Variants in RNF180 observed in about 807,000 individuals in gnomAD.
RNF180 encodes the protein E3 ubiquitin-protein ligase RNF180.
In RNF180, 38 loss-of-function variants were observed where a neutral mutation model predicts 59.2. That is an observed-to-expected ratio of 0.64 (90% CI 0.50 to 0.84). The LOEUF is 0.84. Ranked by LOEUF, RNF180 falls within the 40% of genes least tolerant of loss-of-function variation. RNF180 has a pLI of 0.00. For missense variants in RNF180, 705 were observed against 700.9 expected (o/e 1.01, Z -0.07); for synonymous variants, 262 against 240.3 (o/e 1.09, Z -0.84).
chr5:64,203,448 C>G (rs1215830445), intron 2 of RNF180, among the ~76,000 whole-genome samples: 1 of 152,038 alleles, frequency 6.6e-6, no homozygotes, highest in East Asian at 1.9e-4. Context: ...TTTCATTACC[C>G]CATAAAGTTT....
intron 1 of RNF180, among the ~76,000 whole-genome samples, chr5:64,187,449 C>A (rs1321790257): frequency 2.0e-5 from 3 of 152,096 alleles, no homozygotes; most frequent in African/African-American, 7.2e-5. Context: ...TATGCAGAAC[C>A]ATTTAAACTA....
At chr5:64,330,154 C>T in intron 6 of RNF180, 127 bp from the exon 7 acceptor site, 1 of 677,792 alleles carries the variant, frequency 1.5e-6, no homozygotes, top group Non-Finnish European at 2.5e-6. Flanking sequence ...CTATTTTTGT[C>T]TTCACTGACT....
At chr5:64,227,532 G>T (rs1253260427) in intron 5 of RNF180, among the ~76,000 whole-genome samples, 1 of 152,198 alleles carries the variant, frequency 6.6e-6, no homozygotes, top group Non-Finnish European at 1.5e-5. Flanking sequence ...TGACAGTGGG[G>T]CCTGGCCTCA....
At chr5:64,191,164 A>G (rs1206531715) in intron 1 of RNF180, among the ~76,000 whole-genome samples, 1 of 152,238 alleles carries the variant, frequency 6.6e-6, no homozygotes, top group Admixed American at 6.5e-5. Context: ...TATAGAAAAA[A>G]TGAGCAGAAA....
chr5:64,316,069 A>G (rs910121046), intron 5 of RNF180, among the ~76,000 whole-genome samples: 4 of 152,064 alleles, frequency 2.6e-5, no homozygotes, highest in African/African-American at 9.7e-5. Context: ...ACATCTCAGT[A>G]TATTATTTTG....
chr5:64,236,980 C>T (rs1452579290), intron 5 of RNF180, among the ~76,000 whole-genome samples: 1 of 152,166 alleles, frequency 6.6e-6, no homozygotes, highest in African/African-American at 2.4e-5. Flanking sequence ...AGGAACATAG[C>T]CCCCATGGAG....
At chr5:64,332,401 A>G (rs778490659) in intron 7 of RNF180, among the ~76,000 whole-genome samples, 1 of 152,324 alleles carries the variant, frequency 6.6e-6, no homozygotes, top group African/African-American at 2.4e-5. Context: ...CCTTGGTGTC[A>G]GGGTGTCTTA....
At chr5:64,325,883 T>C (rs1561262826) in intron 6 of RNF180, among the ~76,000 whole-genome samples, 1 of 152,282 alleles carries the variant, frequency 6.6e-6, no homozygotes, top group East Asian at 1.9e-4. Context: ...TCTTTCTCCT[T>C]GAACAGGAAA....
At chr5:64,234,508 A>ATACCATGACCT (rs1436338019) in intron 5 of RNF180, among the ~76,000 whole-genome samples, 5 of 150,544 alleles carry the variant, frequency 3.3e-5, no homozygotes, top group African/African-American at 1.2e-4. Flanking sequence ...ATCAGTGACA[A>ATACCATGACCT]TACCATGACC....
In RNF180 at chr5:64,214,179, A is replaced by G. The variant is rs1271978809; in HGVS notation, c.853A>G (p.Ser285Gly). ...TAGCTATTCCTTTCAGAATCCATCC[A>G]GTTTTGATCCTAGTATGCTGCTGCA... The part of the protein sequence containing the change: ...KNSYSFQNPS[S>G]FDPSMLLQRF... Residue 285 changes from serine (S) to glycine (G), a missense_variant, in exon 4 of 8, where the codon AGT becomes GGT. Transcript: ENST00000389100. 2 of 1,614,106 alleles carry G rather than the reference A, an allele frequency of 1.2e-6. No homozygotes were observed. The highest frequency in any genetic ancestry group is 1.7e-5 in the Admixed American group (1 of 59,986).
At chr5:64,289,704 G>T (rs1310726208) in intron 5 of RNF180, among the ~76,000 whole-genome samples, 2 of 152,050 alleles carry the variant, frequency 1.3e-5, no homozygotes, top group Non-Finnish European at 2.9e-5. Flanking sequence ...TTCTCTGTTG[G>T]TTGTTTGTAT....
Position 64,274,133 on chromosome 5 carries a change from G to T in RNF180, c.1228-51053G>T, listed in dbSNP as rs1490715890. Among the ~76,000 whole-genome samples, 7 of 151,996 alleles carry T rather than the reference G, an allele frequency of 4.6e-5. No individual in the cohort carries two copies. In the East Asian group the frequency reaches 1.2e-3, roughly 25 times the overall value. On this transcript the variant is annotated intron_variant, in intron 5 of 7. Transcript: ENST00000389100. Reference sequence around the variant, plus strand: ...GGATGTTTCAAGGAGTCTCTACCTTGTCTCTCTAAAATTAACTGAGAATCT... The same window carrying T: ...GGATGTTTCAAGGAGTCTCTACCTTTTCTCTCTAAAATTAACTGAGAATCT...
chr5:64,369,456 A>G (rs1277841010), intron 7 of RNF180, among the ~76,000 whole-genome samples, 159 bp from the exon 8 acceptor site: 2 of 123,444 alleles, frequency 1.6e-5, no homozygotes, highest in East Asian at 2.0e-4. Flanking sequence ...AACTTAAAGT[A>G]TAATAATAAT....
chr5:64,348,121 T>C (rs942593759), intron 7 of RNF180, among the ~76,000 whole-genome samples: 2 of 152,078 alleles, frequency 1.3e-5, no homozygotes, highest in Admixed American at 1.3e-4. Context: ...TATATATAAA[T>C]AATAGATTTT....
At chr5:64,294,417 A>G (rs1742777160) in intron 5 of RNF180, among the ~76,000 whole-genome samples, 1 of 152,212 alleles carries the variant, frequency 6.6e-6, no homozygotes, top group South Asian at 2.1e-4. Context: ...AAAGAAGAAA[A>G]ATATCTGGGG....
intron 5 of RNF180, among the ~76,000 whole-genome samples, chr5:64,289,258 A>G (rs1742449495): frequency 6.6e-6 from 1 of 152,164 alleles, no homozygotes; most frequent in Non-Finnish European, 1.5e-5. Flanking sequence ...ATTGTAGTGT[A>G]TTAGCTTTTT....
chr5:64,237,577 A>G (rs1294417119), intron 5 of RNF180, among the ~76,000 whole-genome samples: 1 of 152,114 alleles, frequency 6.6e-6, no homozygotes, highest in Non-Finnish European at 1.5e-5. Flanking sequence ...CTGGGAAGGC[A>G]TGATTGGTTT....
chr5:64,218,840 T>G (rs1000917687), intron 5 of RNF180, among the ~76,000 whole-genome samples: 1 of 152,194 alleles, frequency 6.6e-6, no homozygotes, highest in Non-Finnish European at 1.5e-5. Flanking sequence ...TATTTAAAAT[T>G]TTTTTGACTC....
Position 64,219,362 on chromosome 5 carries a change from T to A in RNF180, c.1227+1966T>A, listed in dbSNP as rs529830461. Among the ~76,000 whole-genome samples, 17 of 138,794 alleles carry A rather than the reference T, an allele frequency of 1.2e-4. No homozygotes were observed. In the East Asian group the frequency reaches 2.8e-3, roughly 23 times the overall value. The allele number at this position is 138,794 out of a possible 152,430, so 91.1% of individuals were successfully genotyped here. ...ACTAGATACTATTTGCCAATCATTT[T>A]TGAGGATTTTTTATGCCTCCGTCGT... On this transcript the variant is annotated intron_variant, in intron 5 of 7. Coordinates refer to ENST00000389100, the MANE Select transcript of RNF180 (RefSeq NM_001113561.2).
Sources: gnomAD v4.1 joint callset for allele counts (sites outside exome capture counted in the v4.1 genomes callset) on GRCh38, gnomAD v4.1.1 for gene constraint, MANE v1.5 for transcripts, NCBI Gene and HGNC (gene_info 2026-07-23, HGNC 2026-07-21) for gene names.